The following FBXO27 variants were observed in gnomAD, a reference collection of about 807,000 sequenced individuals.
FBXO27 encodes F-box protein 27, also known as F-box only protein 27.
A neutral mutation model predicts 28.3 loss-of-function variants in FBXO27; 28 were observed. The ratio of observed to expected loss-of-function variants is 0.99; its 90% confidence interval spans 0.73 to 1.36. The LOEUF is 1.36. Ranked by LOEUF, FBXO27 falls within the 40% of genes most tolerant of loss-of-function variation. The probability of loss-of-function intolerance (pLI) is 0.00; values close to 1 mark genes in which losing one functional copy is unlikely to be tolerated. For synonymous variants in FBXO27, 175 were observed against 167.3 expected (o/e 1.05, Z -0.36); for missense variants, 388 against 394.1 (o/e 0.98, Z 0.13).
At chr19:39,017,394 T>TA (rs1270602439) in intron 1 of FBXO27, among the ~76,000 whole-genome samples, 5 of 152,128 alleles carry the variant, frequency 3.3e-5, no homozygotes, top group Non-Finnish European at 7.3e-5. Flanking sequence ...ACATTGATTT[T>TA]AAAAAATCAT....
At chr19:39,028,131 C>T (rs1233766511) in intron 4 of FBXO27, among the ~76,000 whole-genome samples, 8 of 151,668 alleles carry the variant, frequency 5.3e-5, no homozygotes, top group African/African-American at 1.7e-4. Flanking sequence ...ATCCCAGCTA[C>T]GAGGCAGGAG....
chr19:39,032,386 C>T lies in FBXO27; in HGVS notation c.-27+117G>A. 1 of 1,103,022 alleles carries T rather than the reference C, an allele frequency of 9.1e-7. No homozygotes were observed. The highest frequency in any genetic ancestry group is 2.0e-5 in the South Asian group (1 of 50,806). The allele number at this position is 1,103,022 out of a possible 1,614,324, so 68.3% of individuals were successfully genotyped here. Reference sequence around the variant, plus strand: ...GCCCCGTCCCCAAGTCCCCATCCCCCAGCCCGTCCTTGATAGCCCCGATAT... The same window carrying T: ...GCCCCGTCCCCAAGTCCCCATCCCCTAGCCCGTCCTTGATAGCCCCGATAT... On this transcript the variant is annotated intron_variant, in intron 1 of 5. Coordinates refer to ENST00000292853, the MANE Select transcript of FBXO27 (RefSeq NM_178820.5). The surrounding 1 kb of genome is among the most constrained non-coding windows in gnomAD (Gnocchi z 4.7).
chr19:39,021,126 G>A (rs1478275098), downstream of FBXO27, among the ~76,000 whole-genome samples: 1 of 152,092 alleles, frequency 6.6e-6, no homozygotes. Context: ...GATTACAGAT[G>A]GGAGCCACCG....
downstream of FBXO27, among the ~76,000 whole-genome samples, chr19:39,021,133 A>C (rs116025722): frequency 0.015 from 2,345 of 152,304 alleles, 67 homozygotes; most frequent in African/African-American, 0.054. Flanking sequence ...GATGGGAGCC[A>C]CCGTGCCTGG....
intron 2 of FBXO27, among the ~76,000 whole-genome samples, chr19:39,012,635 C>CTTCTTCT (rs201823960): frequency 4.4e-4 from 66 of 151,322 alleles, no homozygotes; most frequent in African/African-American, 1.3e-3. Flanking sequence ...AAATTTTCTT[C>CTTCTTCT]TTTTTTTTTG....
chr19:39,014,374 T>C (rs942415899), intron 2 of FBXO27: 1 of 152,152 alleles, frequency 6.6e-6, no homozygotes, highest in Non-Finnish European at 1.5e-5. Context: ...AAGGCTTTCC[T>C]AAGCCTTTTT....
At chr19:39,021,945 G>T (rs1033200794), downstream of FBXO27, among the ~76,000 whole-genome samples, 3 of 152,044 alleles carry the variant, frequency 2.0e-5, no homozygotes, top group African/African-American at 7.2e-5. Flanking sequence ...ACAGGTGTGA[G>T]CCACCACATC....
At chr19:39,027,757 T>C (rs899530615) in intron 4 of FBXO27, among the ~76,000 whole-genome samples, 2 of 151,950 alleles carry the variant, frequency 1.3e-5, no homozygotes, top group African/African-American at 4.8e-5. Flanking sequence ...CAGGCGATCT[T>C]CCTGCCTCCG....
chr19:39,010,744 T>C (rs916520666), intron 2 of FBXO27, among the ~76,000 whole-genome samples: 7 of 152,250 alleles, frequency 4.6e-5, no homozygotes, highest in Admixed American at 2.6e-4. Flanking sequence ...AAAGTAGATA[T>C]AAATGACTGC....
At chr19:39,010,989 A>G (rs945255333) in intron 2 of FBXO27, among the ~76,000 whole-genome samples, 9 of 152,226 alleles carry the variant, frequency 5.9e-5, no homozygotes, top group Non-Finnish European at 8.8e-5. Flanking sequence ...TGATTACTGT[A>G]GCTTTGTAGT....
intron 4 of FBXO27, among the ~76,000 whole-genome samples, chr19:39,028,007 G>C (rs1007941735): frequency 2.0e-5 from 3 of 151,886 alleles, no homozygotes; most frequent in Non-Finnish European, 4.4e-5. Flanking sequence ...TTGGGAGGCC[G>C]AGGTGGGTGG....
chr19:39,029,702 C>A (rs1282795166), intron 4 of FBXO27, among the ~76,000 whole-genome samples: 1 of 152,150 alleles, frequency 6.6e-6, no homozygotes. Context: ...CCATCTGGGT[C>A]ATATATCCCC....
intron 4 of FBXO27, among the ~76,000 whole-genome samples, chr19:39,028,743 A>G (rs1045922156): frequency 1.3e-5 from 2 of 152,142 alleles, no homozygotes; most frequent in Admixed American, 1.3e-4. Context: ...CACACCTGCA[A>G]TCCGAGCTAC....
downstream of FBXO27, among the ~76,000 whole-genome samples, chr19:39,020,381 A>T (rs1476387668): frequency 6.6e-6 from 1 of 152,042 alleles, no homozygotes; most frequent in Non-Finnish European, 1.5e-5. Flanking sequence ...CTTTGATATT[A>T]GACAGTGTCC....
At chr19:39,029,998 C>A (rs920915100) in intron 4 of FBXO27, among the ~76,000 whole-genome samples, 6 of 152,130 alleles carry the variant, frequency 3.9e-5, no homozygotes, top group Non-Finnish European at 8.8e-5. Context: ...CTTACCATGA[C>A]GCCCAGCTAA....
intron 4 of FBXO27, chr19:39,030,668 G>A (rs1219508355): frequency 4.0e-6 from 1 of 248,024 alleles, no homozygotes; most frequent in Non-Finnish European, 7.9e-6. Context: ...GTCCAGGCTG[G>A]AGTGTAGTGG....
At chr19:39,009,728 TCTCCCA>T (rs2072785727) in intron 2 of FBXO27, among the ~76,000 whole-genome samples, 1 of 152,192 alleles carries the variant, frequency 6.6e-6, no homozygotes, top group South Asian at 2.1e-4. Flanking sequence ...CAAAACATTC[TCTCCCA>T]GTCTGTGGGT....
chr19:39,011,725 G>T lies in FBXO27; in HGVS notation c.252+2662C>A, dbSNP rs553099682. On this transcript the variant is annotated intron_variant, in intron 2 of 2. Coordinates refer to the FBXO27 transcript ENST00000598394. The stretch of plus-strand genomic sequence containing the variant: ...GGGGGGGTCTCCCTTTGTTGCCCCG[G>T]CTGGTCTTGAACTCTTGGCCTCAAG... Among the ~76,000 whole-genome samples, 6 of 151,450 alleles carry T rather than the reference G, an allele frequency of 4.0e-5. No individual in the cohort carries two copies. The South Asian group carries it at 1.2e-3, about 32-fold the overall frequency.
downstream of FBXO27, among the ~76,000 whole-genome samples, chr19:39,023,859 C>G (rs951197106): frequency 6.6e-6 from 1 of 152,114 alleles, no homozygotes; most frequent in Admixed American, 6.6e-5. Flanking sequence ...AAGTGATCCG[C>G]CCACCTCGGC....
Sources: allele counts gnomAD v4.1 joint callset (sites outside exome capture counted in the v4.1 genomes callset), GRCh38; gene constraint gnomAD v4.1.1; non-coding constraint Gnocchi (gnomAD v3.1); transcripts MANE v1.5; gene names NCBI Gene and HGNC (gene_info 2026-07-23, HGNC 2026-07-21).